NOD1: variants seen among roughly 807,000 people sequenced by gnomAD.
The protein encoded by NOD1 is nucleotide binding oligomerization domain containing 1, also known as nucleotide-binding oligomerization domain-containing protein 1.
A neutral mutation model predicts 81.2 loss-of-function variants in NOD1; 70 were observed. The ratio of observed to expected loss-of-function variants is 0.86; its 90% CI spans 0.71 to 1.05. The LOEUF (loss-of-function observed/expected upper bound fraction) is 1.05. Among genes scored for constraint, NOD1 ranks in the 50% least tolerant of loss-of-function variants. The pLI, the probability that NOD1 is intolerant of heterozygous loss-of-function variation, is 0.00. For missense variants in NOD1, 1,233 were observed against 1,228.0 expected, an observed-to-expected ratio of 1.00 and a Z score of -0.06; for synonymous variants, 508 against 526.9, an observed-to-expected ratio of 0.96 and a Z score of 0.49.
intron 1 of NOD1, among the ~76,000 whole-genome samples, chr7:30,468,397 C>G (rs1787926622): frequency 6.6e-6 from 1 of 152,188 alleles, no homozygotes. Context: ...CCAGTATCAG[C>G]TCCCCAACCC....
Position 30,436,049 on chromosome 7 carries a change from C to G in NOD1, c.2570G>C (p.Gly857Ala), listed in dbSNP as rs759277004. Residue 857 changes from glycine (G) to alanine (A), a missense_variant, in exon 11 of 14, where the codon GGA (glycine) becomes GCA (alanine). By Grantham distance (60) the Gly-to-Ala change is moderately conservative. Transcript: ENST00000222823. The stretch of plus-strand genomic sequence containing the variant: ...CTGCAGGGCCCTCGCAAGGCTCTTT[C>G]CTCCTTCTGTGGAGATGCCGTTGGA... ...LASNGISTEG[G>A]KSLARALQQN... The G allele has an allele frequency of 5.0e-6, 8 of 1,614,214 alleles. No homozygotes were observed. Among genetic ancestry groups the G allele is most frequent in the Non-Finnish European group, 5.9e-6 (7 of 1,180,004 alleles).
At chr7:30,469,238 T>G in intron 1 of NOD1, 1 of 985,314 alleles carries the variant, frequency 1.0e-6, no homozygotes, top group Non-Finnish European at 1.2e-6. Flanking sequence ...CTGGAGACAA[T>G]TTAGCAGATG....
At chr7:30,433,534 TC>T in intron 11 of NOD1, 2 of 275,660 alleles carry the variant, frequency 7.3e-6, no homozygotes, top group South Asian at 1.3e-4. Context: ...AGTCCCAGGG[TC>T]CCTTGAACAC....
intron 9 of NOD1, among the ~76,000 whole-genome samples, chr7:30,438,422 T>C (rs1427454939): frequency 6.6e-6 from 1 of 152,258 alleles, no homozygotes; most frequent in Non-Finnish European, 1.5e-5. Context: ...CATTCCGTCA[T>C]GGAGTTGTGA....
chr7:30,426,317 T>C (rs554637073), intron 13 of NOD1, among the ~76,000 whole-genome samples: 3 of 152,070 alleles, frequency 2.0e-5, no homozygotes, highest in South Asian at 4.2e-4. Flanking sequence ...TGGACCACTC[T>C]CATCCTGCTG....
rs2072687 is a variant in NOD1 at position 30,478,151 on chromosome 7, C to A, written c.-352+455G>T. Among the ~76,000 whole-genome samples, 35,141 of 151,934 alleles carry A rather than the reference C, an allele frequency of 0.23. 4,361 individuals are homozygous for A. Among genetic ancestry groups the A allele is most frequent in the East Asian group, 0.36 (1,859 of 5,132 alleles). On this transcript the variant is annotated intron_variant, in intron 1 of 13. Transcript: ENST00000222823. This position sits in a 1 kb window ranked among gnomAD's most constrained non-coding sequence, Gnocchi z 4.1. ...TGGGAGCTGCTGTCCCGTCTGCAGG[C>A]GGGACTCCATGAAGGCCCCTGTCTG...
Position 30,478,018 on chromosome 7 carries a change from G to C in NOD1, c.-352+588C>G, listed in dbSNP as rs983598056. On this transcript the variant is annotated intron_variant, in intron 1 of 13. Transcript: ENST00000222823. The surrounding 1 kb of genome is among the most constrained non-coding windows in gnomAD (Gnocchi z 4.1). ...AACTGCACACATTGGAGGCGTTTTT[G>C]AATGTGATATTCAGGCGACCTTGCC... is the stretch of plus-strand genomic sequence containing the variant. 2.0e-5 allele frequency among the ~76,000 whole-genome samples: 3 copies of C among 152,118 alleles called. No homozygotes were observed. The highest frequency in any genetic ancestry group is 7.2e-5 in the African/African-American group (3 of 41,422).
chr7:30,465,724 G>T (rs1240027126), intron 1 of NOD1, among the ~76,000 whole-genome samples: 1 of 151,900 alleles, frequency 6.6e-6, no homozygotes, highest in African/African-American at 2.4e-5. Context: ...TGTTGCAACA[G>T]TAGCAGCTAA....
chr7:30,462,687 G>A (rs572627114), intron 1 of NOD1, among the ~76,000 whole-genome samples: 4 of 152,164 alleles, frequency 2.6e-5, no homozygotes, highest in Non-Finnish European at 5.9e-5. Flanking sequence ...AGTGGCTCAC[G>A]CTTGTAATCC....
chr7:30,428,522 A>C (rs990132480), intron 13 of NOD1: 2 of 152,190 alleles, frequency 1.3e-5, no homozygotes, highest in African/African-American at 4.8e-5. Context: ...TTGCATCCTG[A>C]TATTTTGTTC....
chr7:30,461,609 T>C (rs1420304133), intron 1 of NOD1, among the ~76,000 whole-genome samples: 1 of 152,260 alleles, frequency 6.6e-6, no homozygotes, highest in Non-Finnish European at 1.5e-5. Flanking sequence ...AAGAGCCACA[T>C]GCGGCCAGGG....
chr7:30,465,159 A>G (rs1787551492), intron 1 of NOD1, among the ~76,000 whole-genome samples: 1 of 152,204 alleles, frequency 6.6e-6, no homozygotes, highest in Non-Finnish European at 1.5e-5. Flanking sequence ...GCATGATCAC[A>G]GACGTGTCTG....
chr7:30,452,525 C>A lies in NOD1; in HGVS notation c.892G>T (p.Val298Leu). The A allele has an allele frequency of 2.5e-6, 4 of 1,613,134 alleles. No individual in the cohort carries two copies. Among genetic ancestry groups the A allele is most frequent in the Non-Finnish European group, 3.4e-6 (4 of 1,179,968 alleles). Residue 298 changes from valine to leucine, a missense_variant, in exon 6 of 14, where the codon GTG (valine) becomes TTG (leucine). Coordinates refer to ENST00000222823, the MANE Select transcript of NOD1 (RefSeq NM_006092.4). ...ELHSDLDLSR[V>L]PDSSCPWEPA... Reference sequence around the variant, plus strand: ...TCCCAGGGGCAGGAGCTGTCAGGCACGCGGCTCAGGTCCAAGTCCGAGTGC... The same window carrying A: ...TCCCAGGGGCAGGAGCTGTCAGGCAAGCGGCTCAGGTCCAAGTCCGAGTGC...
intron 5 of NOD1, among the ~76,000 whole-genome samples, chr7:30,453,270 T>G (rs181635189): frequency 6.6e-6 from 1 of 152,174 alleles, no homozygotes; most frequent in East Asian, 1.9e-4. Flanking sequence ...ACCTCAGATT[T>G]GCCAGAAAGA....
Position 30,455,294 on chromosome 7 carries a change from G to C in NOD1, c.219C>G (p.Asp73Glu). Reference protein sequence around the residue: ...TQPDKVRKILDLVQSKGEEVS... With the variant: ...TQPDKVRKILELVQSKGEEVS... ...CCTCCTCGCCCTTGCTCTGTACCAGGTCCAGAATTTTGCGGACCTGGAGGT... is the reference window on the plus strand; with the variant it reads ...CCTCCTCGCCCTTGCTCTGTACCAGCTCCAGAATTTTGCGGACCTGGAGGT... Residue 73 changes from aspartate (D) to glutamate (E), a missense_variant, in exon 5 of 14, where the codon GAC (aspartate) becomes GAG (glutamate). Asp to Glu is a conservative substitution (Grantham distance 45). Transcript: ENST00000222823. 6.2e-7 allele frequency: 1 copy of C among 1,613,584 alleles called. No homozygotes were observed. Among genetic ancestry groups the C allele is most frequent in the Non-Finnish European group, 8.5e-7 (1 of 1,179,646 alleles).
In NOD1 at chr7:30,478,147, C is replaced by A. The variant is rs1264944896; in HGVS notation, c.-352+459G>T. ...ACACTGGGAGCTGCTGTCCCGTCTG[C>A]AGGCGGGACTCCATGAAGGCCCCTG... On this transcript the variant is annotated intron_variant, in intron 1 of 13. Coordinates refer to ENST00000222823, the MANE Select transcript of NOD1 (RefSeq NM_006092.4). The surrounding 1 kb of genome is among the most constrained non-coding windows in gnomAD (Gnocchi z 4.1). Among the ~76,000 whole-genome samples the A allele has an allele frequency of 6.6e-6, 1 of 152,158 alleles. No homozygotes were observed. The highest frequency in any genetic ancestry group is 2.4e-5 in the African/African-American group (1 of 41,428).
chr7:30,446,738 G>A, intron 8 of NOD1: 1 of 533,390 alleles, frequency 1.9e-6, no homozygotes, highest in African/African-American at 1.9e-5. Context: ...CTTCGGCCTA[G>A]TAGTTAATGA....
chr7:30,428,085 T>G (rs766910716), intron 13 of NOD1, among the ~76,000 whole-genome samples: 2 of 152,160 alleles, frequency 1.3e-5, no homozygotes, highest in Non-Finnish European at 2.9e-5. Context: ...TTTTTTTCTT[T>G]TTTGTTTTTT....
intron 13 of NOD1, 79 bp from the exon 14 acceptor site, chr7:30,425,789 TA>T: frequency 1.1e-6 from 1 of 923,054 alleles, no homozygotes; most frequent in Non-Finnish European, 1.8e-6. Flanking sequence ...GGTGTGTTCA[TA>T]GCACACACTC....
Sources: gnomAD v4.1 joint callset for allele counts (sites outside exome capture counted in the v4.1 genomes callset) on GRCh38, gnomAD v4.1.1 for gene constraint, Gnocchi (gnomAD v3.1) non-coding constraint, MANE v1.5 for transcripts, NCBI Gene and HGNC (gene_info 2026-07-23, HGNC 2026-07-21) for gene names.